Variants in SMARCC1 observed in about 807,000 individuals in gnomAD.
SMARCC1 encodes the protein SWI/SNF complex subunit SMARCC1.
In SMARCC1, 43 loss-of-function variants were observed where a neutral mutation model predicts 147.4. That is an observed-to-expected ratio of 0.29 (90% CI 0.23 to 0.38). The LOEUF is 0.38. SMARCC1 is among the 10% of genes least tolerant of loss of function. SMARCC1 has a pLI of 1.00. For synonymous variants in SMARCC1, 495 were observed against 484.4 expected, an observed-to-expected ratio of 1.02 and a Z score of -0.29; for missense variants, 1,119 against 1,381.1, an observed-to-expected ratio of 0.81 and a Z score of 3.01.
At chr3:47,622,596 G>A (rs1160410332) in intron 24 of SMARCC1, among the ~76,000 whole-genome samples, 2 of 152,066 alleles carry the variant, frequency 1.3e-5, no homozygotes, top group African/African-American at 4.8e-5. Flanking sequence ...GAAGGAGAGG[G>A]CAAACCAGGA....
intron 14 of SMARCC1, 86 bp from the exon 15 acceptor site, chr3:47,680,594 C>G (rs571319850): frequency 5.6e-5 from 43 of 764,152 alleles, no homozygotes; most frequent in Non-Finnish European, 7.4e-5. Context: ...GTCGCCCAGG[C>G]TGGAGTGCAG....
At chr3:47,700,147 C>T (rs187085859) in intron 11 of SMARCC1, among the ~76,000 whole-genome samples, 1 of 151,396 alleles carries the variant, frequency 6.6e-6, no homozygotes, top group East Asian at 1.9e-4. Context: ...GTTCTAATTC[C>T]TCCTGTTATT....
intron 26 of SMARCC1, among the ~76,000 whole-genome samples, chr3:47,596,060 CAAAAACA>C (rs1225796803): frequency 1.5e-5 from 2 of 135,614 alleles, no homozygotes; most frequent in African/African-American, 2.6e-5. Context: ...TTCCCAAAAA[CAAAAACA>C]AAAACAAAAC....
intron 7 of SMARCC1, among the ~76,000 whole-genome samples, chr3:47,720,185 G>A (rs1367668436): frequency 1.3e-5 from 2 of 151,710 alleles, no homozygotes; most frequent in Non-Finnish European, 2.9e-5. Context: ...GGGAAACGGC[G>A]CAATCTCGGC....
Position 47,601,698 on chromosome 3 carries a change from CT to C in SMARCC1, c.3043+8367del, listed in dbSNP as rs869165458. Reference sequence around the variant, plus strand: ...TGTGATGGGCTACGGCTTTTTTTTTCTTTTTTTTTTTTTTTGAGATGGAGTC... The same window carrying C: ...TGTGATGGGCTACGGCTTTTTTTTTCTTTTTTTTTTTTTTGAGATGGAGTC... On this transcript the variant is annotated intron_variant, in intron 26 of 27. Coordinates refer to ENST00000254480, the MANE Select transcript of SMARCC1 (RefSeq NM_003074.4). 364 of 138,214 alleles carry C rather than the reference CT, an allele frequency of 2.6e-3. 2 individuals are homozygous for C. The highest frequency in any genetic ancestry group is 3.4e-3 in the African/African-American group (128 of 37,922). 8.6% of individuals were successfully genotyped at this position (138,214 alleles called of 1,614,324 possible).
intron 26 of SMARCC1, among the ~76,000 whole-genome samples, chr3:47,597,606 G>A (rs1009493374): frequency 2.6e-5 from 4 of 152,092 alleles, no homozygotes; most frequent in African/African-American, 9.7e-5. Context: ...GATTACAGGC[G>A]TGAGCCACCA....
chr3:47,668,838 C>T (rs1482549551), intron 19 of SMARCC1, among the ~76,000 whole-genome samples: 2 of 150,398 alleles, frequency 1.3e-5, no homozygotes, highest in African/African-American at 4.9e-5. Flanking sequence ...TGGACTGAGA[C>T]TGCGCTACTG....
Position 47,701,435 on chromosome 3 carries a change from G to A in SMARCC1, c.1041-33C>T, listed in dbSNP as rs534644611. On this transcript the variant is annotated intron_variant, in intron 10 of 27. Transcript: ENST00000254480. ...ATACAAGTATATGAAATATAAACAAGACTGATTATAGCTACTGATAGCAAA... is the reference window on the plus strand; with the variant it reads ...ATACAAGTATATGAAATATAAACAAAACTGATTATAGCTACTGATAGCAAA... 1.0e-5 allele frequency: 16 copies of A among 1,597,200 alleles called. No homozygotes were observed. The African/African-American group carries it at 1.6e-4, about 16-fold the overall frequency.
At chr3:47,657,516 G>A (rs927524966) in intron 21 of SMARCC1, among the ~76,000 whole-genome samples, 15 of 152,038 alleles carry the variant, frequency 9.9e-5, no homozygotes, top group African/African-American at 3.4e-4. Context: ...AAAGTACAGG[G>A]GCTGGGCTCA....
intron 1 of SMARCC1, 145 bp from the exon 2 acceptor site, chr3:47,773,081 A>G: frequency 1.8e-6 from 1 of 567,546 alleles, no homozygotes. Context: ...AGGAGCTTAC[A>G]AAAACAAATA....
chr3:47,659,293 G>GA lies in SMARCC1; in HGVS notation c.2320+2000dup, dbSNP rs149443449. On this transcript the variant is annotated intron_variant, in intron 21 of 27. Coordinates refer to ENST00000254480, the MANE Select transcript of SMARCC1 (RefSeq NM_003074.4). Reference sequence around the variant, plus strand: ...AAATAAATAAAAAATAAAAAAAAAAGAAAAAAAAAAGAACAATTCCTAACT... The same window carrying GA: ...AAATAAATAAAAAATAAAAAAAAAAGAAAAAAAAAAAGAACAATTCCTAACT... Among the ~76,000 whole-genome samples, 359 of 138,146 alleles carry GA rather than the reference G, an allele frequency of 2.6e-3. 1 individual carries two copies. The highest frequency in any genetic ancestry group is 7.4e-3 in the Middle Eastern group (2 of 272). 90.6% of individuals were successfully genotyped at this position (138,146 alleles called of 152,430 possible).
chr3:47,756,304 C>T (rs1241284703), intron 2 of SMARCC1, among the ~76,000 whole-genome samples: 5 of 151,908 alleles, frequency 3.3e-5, no homozygotes, highest in Admixed American at 1.3e-4. Flanking sequence ...GAGGCCTAGG[C>T]GAGCAGATCA....
rs999644304 is a variant in SMARCC1 at position 47,781,860 on chromosome 3, T to TCCCGCGCGCACC, written c.-75_-64dup. ...GGCCCTCGCGGTGTTTCCCGGTCGT[T>TCCCGCGCGCACC]CCCGCGCGCACCCCCGCGCGCGTAG... On this transcript the variant is annotated 5_prime_UTR_variant, in exon 1 of 28. Transcript: ENST00000254480. 64 of 1,149,870 alleles carry TCCCGCGCGCACC rather than the reference T, an allele frequency of 5.6e-5. No individual in the cohort carries two copies. The South Asian group carries it at 1.6e-3, about 28-fold the overall frequency. The allele number at this position is 1,149,870 out of a possible 1,614,324, so 71.2% of individuals were successfully genotyped here.
At chr3:47,679,222 A>G (rs1168043458) in intron 15 of SMARCC1, among the ~76,000 whole-genome samples, 3 of 152,038 alleles carry the variant, frequency 2.0e-5, no homozygotes, top group African/African-American at 7.2e-5. Context: ...CAAAAAAAAA[A>G]AAAAAAAGTA....
chr3:47,775,600 C>T (rs1285951235), intron 1 of SMARCC1, among the ~76,000 whole-genome samples: 2 of 151,064 alleles, frequency 1.3e-5, no homozygotes, highest in African/African-American at 4.8e-5. Context: ...AGTGAAACCC[C>T]GTCTCTACTA....
chr3:47,714,464 T>A lies in SMARCC1; in HGVS notation c.743A>T (p.Asp248Val). 2 of 1,588,794 alleles carry A rather than the reference T, an allele frequency of 1.3e-6. No homozygotes were observed. Among genetic ancestry groups the A allele is most frequent in the Non-Finnish European group, 1.7e-6 (2 of 1,158,414 alleles). The change falls in exon 8 of 28, where the codon GAT (aspartate) becomes GTT (valine). Residue 248 changes from aspartate (D) to valine (V), a missense_variant. Physicochemically the swap from Asp to Val is radical, Grantham distance 152. Around this residue, in one of 6 missense-constraint regions of SMARCC1, gnomAD observed 542 missense variants for 611.8 expected, o/e 0.89. Transcript: ENST00000254480. ...DSYDTWVHSN[D>V]VDAEIEDPPI... is the part of the protein sequence containing the mutation. Reference sequence around the variant, plus strand: ...TGGATCTTCAATTTCAGCATCAACATCATTACTATGGACCCAAGTATCATA... The same window carrying A: ...TGGATCTTCAATTTCAGCATCAACAACATTACTATGGACCCAAGTATCATA...
chr3:47,765,057 G>C (rs146748475), intron 2 of SMARCC1, among the ~76,000 whole-genome samples: 1 of 152,250 alleles, frequency 6.6e-6, no homozygotes, highest in East Asian at 1.9e-4. Flanking sequence ...TTCAAGACCA[G>C]CCTGAACAAC....
At chr3:47,682,060 TCA>T (rs1477919650) in intron 14 of SMARCC1, among the ~76,000 whole-genome samples, 2 of 151,960 alleles carry the variant, frequency 1.3e-5, no homozygotes, top group Non-Finnish European at 2.9e-5. Context: ...AAAAAGAAAT[TCA>T]CACACACACT....
At chr3:47,739,705 T>C (rs2034486154) in intron 3 of SMARCC1, among the ~76,000 whole-genome samples, 1 of 152,086 alleles carries the variant, frequency 6.6e-6, no homozygotes, top group African/African-American at 2.4e-5. Flanking sequence ...GCTCATACTT[T>C]TAACTCACAT....
Sources: allele counts gnomAD v4.1 joint callset (sites outside exome capture counted in the v4.1 genomes callset), GRCh38; gene constraint gnomAD v4.1.1; regional missense constraint gnomAD v4.1.1; transcripts MANE v1.5; gene names NCBI Gene and HGNC (gene_info 2026-07-23, HGNC 2026-07-21).